The following MOB3B variants were observed in gnomAD, a reference collection of about 807,000 sequenced individuals.
MOB3B encodes the protein MOB kinase activator-like 2B.
A neutral mutation model predicts 18.7 loss-of-function variants in MOB3B; 7 were observed. That is an observed-to-expected ratio of 0.37 (90% CI 0.21 to 0.70). The LOEUF (loss-of-function observed/expected upper bound fraction) is 0.70. Among genes scored for constraint, MOB3B ranks in the 30% least tolerant of loss-of-function variants. The pLI is 0.52. For synonymous variants in MOB3B, 111 were observed against 99.9 expected, an observed-to-expected ratio of 1.11 and a Z score of -0.66; for missense variants, 253 against 281.3, an observed-to-expected ratio of 0.90 and a Z score of 0.72.
At chr9:27,349,272 C>T (rs1821072925) in intron 3 of MOB3B, among the ~76,000 whole-genome samples, 1 of 152,180 alleles carries the variant, frequency 6.6e-6, no homozygotes, top group Non-Finnish European at 1.5e-5. Context: ...CCTGAGACCA[C>T]ACAAGTGACC....
At chr9:27,480,634 T>C (rs1245220643) in intron 1 of MOB3B, among the ~76,000 whole-genome samples, 2 of 151,734 alleles carry the variant, frequency 1.3e-5, no homozygotes, top group Non-Finnish European at 2.9e-5. Flanking sequence ...AGAGACAGGG[T>C]TTCACCATGT....
At chr9:27,399,185 C>T (rs1213411337) in intron 2 of MOB3B, among the ~76,000 whole-genome samples, 2 of 152,082 alleles carry the variant, frequency 1.3e-5, no homozygotes, top group Non-Finnish European at 2.9e-5. Context: ...ACTCAAGATG[C>T]AAATTTATAG....
At chr9:27,430,374 T>C (rs567303174) in intron 2 of MOB3B, among the ~76,000 whole-genome samples, 1 of 152,198 alleles carries the variant, frequency 6.6e-6, no homozygotes, top group East Asian at 1.9e-4. Flanking sequence ...TATGGAGCCA[T>C]GGTTTTCAAA....
At chr9:27,341,358 G>A (rs775393902) in intron 3 of MOB3B, among the ~76,000 whole-genome samples, 12 of 152,284 alleles carry the variant, frequency 7.9e-5, no homozygotes, top group Admixed American at 2.0e-4. Flanking sequence ...CATAGAAGCC[G>A]TTCAGCCTAG....
intron 2 of MOB3B, among the ~76,000 whole-genome samples, chr9:27,422,335 A>G (rs1328863657): frequency 6.6e-6 from 1 of 152,242 alleles, no homozygotes; most frequent in Non-Finnish European, 1.5e-5. Flanking sequence ...TTAAATGCAT[A>G]GTTCAGTCCA....
At chr9:27,372,211 T>C (rs1821426539) in intron 2 of MOB3B, among the ~76,000 whole-genome samples, 1 of 151,980 alleles carries the variant, frequency 6.6e-6, no homozygotes, top group Non-Finnish European at 1.5e-5. Context: ...AAAAACACAA[T>C]GACAGGGGCG....
chr9:27,391,248 G>A (rs1821723670), intron 2 of MOB3B, among the ~76,000 whole-genome samples: 1 of 152,178 alleles, frequency 6.6e-6, no homozygotes, highest in Non-Finnish European at 1.5e-5. Context: ...AGAGGCGACT[G>A]CCTACCTCTC....
rs1268356556 is a variant in MOB3B, at chr9:27,330,547, G to A, written c.*40C>T. 1.9e-6 allele frequency: 3 copies of A among 1,613,440 alleles called. No homozygotes were observed. The highest frequency in any genetic ancestry group is 1.3e-5 in the African/African-American group (1 of 74,922). ...CTCCTGCCCGCTCAGGGCACCAGGA[G>A]GAAACAGCTTTCCTTTCTTCCAAAG... is the stretch of plus-strand genomic sequence containing the variant. On this transcript the variant is annotated 3_prime_UTR_variant, in exon 4 of 4. Coordinates refer to ENST00000262244, the MANE Select transcript of MOB3B (RefSeq NM_024761.5).
intron 1 of MOB3B, chr9:27,526,190 T>C (rs1820434196): frequency 1.3e-5 from 2 of 152,194 alleles, no homozygotes; most frequent in Admixed American, 1.3e-4. Context: ...GCCCAAATGT[T>C]ATAGCCAAAG....
chr9:27,349,541 C>A (rs1821075726), intron 3 of MOB3B, among the ~76,000 whole-genome samples: 1 of 152,158 alleles, frequency 6.6e-6, no homozygotes. Context: ...GGCATCAAGC[C>A]ATACTGACTA....
intron 1 of MOB3B, among the ~76,000 whole-genome samples, chr9:27,456,047 G>A (rs1822864579): frequency 6.6e-6 from 1 of 152,182 alleles, no homozygotes; most frequent in Non-Finnish European, 1.5e-5. Flanking sequence ...GGATGAACAT[G>A]TTGATCAATG....
chr9:27,406,532 A>G (rs1337663692), intron 2 of MOB3B, among the ~76,000 whole-genome samples: 1 of 152,256 alleles, frequency 6.6e-6, no homozygotes, highest in East Asian at 1.9e-4. Flanking sequence ...ATTGGCATAA[A>G]AACAGACACA....
At chr9:27,357,467 AAC>A (rs1242481991) in intron 3 of MOB3B, among the ~76,000 whole-genome samples, 2 of 151,720 alleles carry the variant, frequency 1.3e-5, no homozygotes, top group Admixed American at 1.3e-4. Flanking sequence ...GTCTCACACT[AAC>A]CACCCCAGGC....
At chr9:27,362,795 C>A (rs1017643442) in intron 2 of MOB3B, among the ~76,000 whole-genome samples, 4 of 152,176 alleles carry the variant, frequency 2.6e-5, no homozygotes, top group South Asian at 2.1e-4. Flanking sequence ...TTGAAAAATT[C>A]TTATATTTAT....
intron 1 of MOB3B, among the ~76,000 whole-genome samples, chr9:27,479,069 G>T (rs1472810346): frequency 6.6e-6 from 1 of 152,102 alleles, no homozygotes; most frequent in African/African-American, 2.4e-5. Context: ...GCTCAAAAAT[G>T]GGGGTATTTT....
intron 3 of MOB3B, among the ~76,000 whole-genome samples, chr9:27,358,451 C>A (rs1213702281): frequency 6.6e-6 from 1 of 152,184 alleles, no homozygotes; most frequent in Non-Finnish European, 1.5e-5. Context: ...TTAATCATAT[C>A]AAATGTTCTC....
At position 27,404,347 on chromosome 9, in the gene MOB3B, CTTTTTTTTTTTTTTTTT is replaced by C. The variant is rs756275032; in HGVS notation, c.419-45128_419-45112del. 1.6e-3 allele frequency among the ~76,000 whole-genome samples: 118 copies of C among 75,180 alleles called. 1 individual carries two copies. The highest frequency in any genetic ancestry group is 0.021 in the Middle Eastern group (2 of 94). 49.3% of individuals were successfully genotyped at this position (75,180 alleles called of 152,430 possible). On this transcript the variant is annotated intron_variant, in intron 2 of 3. Coordinates refer to ENST00000262244, the MANE Select transcript of MOB3B (RefSeq NM_024761.5). ...TCTTTCTTTCTTTCCTTCTTTCTTT[CTTTTTTTTTTTTTTTTT>C]TTTTTTTTTTGAGACAGAGTCTCGT...
chr9:27,442,386 T>C lies in MOB3B; in HGVS notation c.418+12747A>G, dbSNP rs189474831. Among the ~76,000 whole-genome samples the C allele has an allele frequency of 1.1e-3, 162 of 152,368 alleles. No individual in the cohort carries two copies. In the Middle Eastern group the frequency reaches 0.017, roughly 16 times the overall value. ...TAGAACTTATCCTTATCTGACATTA[T>C]GTCATATATTTATTTGCGTTTTATC... On this transcript the variant is annotated intron_variant, in intron 2 of 3. Coordinates refer to ENST00000262244, the MANE Select transcript of MOB3B (RefSeq NM_024761.5).
intron 1 of MOB3B, among the ~76,000 whole-genome samples, chr9:27,514,815 C>A (rs1387594482): frequency 2.0e-5 from 3 of 152,196 alleles, no homozygotes; most frequent in African/African-American, 7.2e-5. Context: ...GAACTGCATG[C>A]CTGTTGGCAA....
Sources: allele counts gnomAD v4.1 joint callset (sites outside exome capture counted in the v4.1 genomes callset), GRCh38; gene constraint gnomAD v4.1.1; transcripts MANE v1.5; gene names NCBI Gene and HGNC (gene_info 2026-07-23, HGNC 2026-07-21).